Variants in ZBTB20 observed in about 807,000 individuals in gnomAD.
ZBTB20 encodes zinc finger and BTB domain containing 20, also known as zinc finger and BTB domain-containing protein 20.
A neutral mutation model predicts 56.9 loss-of-function variants in ZBTB20; 9 were observed. That is an observed-to-expected ratio of 0.16 (90% confidence interval 0.10 to 0.28). The LOEUF is 0.28. ZBTB20 is among the 10% of genes least tolerant of loss of function. The pLI is 1.00. For synonymous variants in ZBTB20, 417 were observed against 420.7 expected, an observed-to-expected ratio of 0.99 and a Z score of 0.11; for missense variants, 655 against 1,003.0, an observed-to-expected ratio of 0.65 and a Z score of 4.69.
At chr3:114,660,645 CATA>C (rs2060666658) in intron 6 of ZBTB20, among the ~76,000 whole-genome samples, 1 of 152,064 alleles carries the variant, frequency 6.6e-6, no homozygotes, top group Non-Finnish European at 1.5e-5. Context: ...AGTGACCTTC[CATA>C]ATATCGCTGG....
chr3:114,824,278 T>C (rs564723353), intron 4 of ZBTB20, among the ~76,000 whole-genome samples: 1 of 152,006 alleles, frequency 6.6e-6, no homozygotes, highest in African/African-American at 2.4e-5. Flanking sequence ...ATTTTGCATA[T>C]AGATCCCAAA....
chr3:114,950,383 T>C (rs1312121264), intron 3 of ZBTB20, among the ~76,000 whole-genome samples: 3 of 152,206 alleles, frequency 2.0e-5, no homozygotes, highest in East Asian at 1.9e-4. Flanking sequence ...ATACTGGTTA[T>C]ATGAATGTGG....
intron 4 of ZBTB20, among the ~76,000 whole-genome samples, chr3:114,811,969 T>C (rs1303348888): frequency 6.6e-6 from 1 of 152,200 alleles, no homozygotes; most frequent in African/African-American, 2.4e-5. Context: ...TTGTTCCTTC[T>C]GATGTTCGGA....
intron 1 of ZBTB20, among the ~76,000 whole-genome samples, chr3:115,142,468 G>A (rs918511084): frequency 2.6e-5 from 4 of 151,876 alleles, no homozygotes; most frequent in East Asian, 1.9e-4. Flanking sequence ...CAAGACCATC[G>A]TGGCCAACAT....
intron 6 of ZBTB20, among the ~76,000 whole-genome samples, chr3:114,566,312 G>A (rs779323517): frequency 6.6e-6 from 1 of 152,044 alleles, no homozygotes; most frequent in African/African-American, 2.4e-5. Flanking sequence ...CTCACAGTGC[G>A]GTAACCCCTG....
intron 11 of ZBTB20, among the ~76,000 whole-genome samples, chr3:114,346,670 T>G (rs1208347190): frequency 6.7e-6 from 1 of 149,614 alleles, no homozygotes; most frequent in East Asian, 1.9e-4. Flanking sequence ...GACTACTTCT[T>G]TGTCTCAAAC....
chr3:115,129,182 C>T (rs1350835677), intron 1 of ZBTB20, among the ~76,000 whole-genome samples: 4 of 151,920 alleles, frequency 2.6e-5, no homozygotes, highest in Admixed American at 2.0e-4. Context: ...GAAGATTAAA[C>T]TAGTTAAACA....
intron 1 of ZBTB20, among the ~76,000 whole-genome samples, chr3:115,093,798 G>T (rs2108582311): frequency 6.6e-6 from 1 of 152,272 alleles, no homozygotes; most frequent in South Asian, 2.1e-4. Flanking sequence ...AGAAATGTGA[G>T]ATGTTTTGAC....
At chr3:114,774,336 A>G (rs761815965) in intron 5 of ZBTB20, among the ~76,000 whole-genome samples, 3 of 152,172 alleles carry the variant, frequency 2.0e-5, no homozygotes, top group African/African-American at 4.8e-5. Flanking sequence ...TACTGAGCTA[A>G]AAATTACTAA....
At chr3:115,045,530 T>TA (rs1438792909) in intron 2 of ZBTB20, among the ~76,000 whole-genome samples, 1 of 151,874 alleles carries the variant, frequency 6.6e-6, no homozygotes, top group African/African-American at 2.4e-5. Flanking sequence ...CTGGTATTGT[T>TA]ATTGTCTGCA....
intron 5 of ZBTB20, among the ~76,000 whole-genome samples, chr3:114,721,989 T>C (rs2064952313): frequency 6.6e-6 from 1 of 152,206 alleles, no homozygotes; most frequent in South Asian, 2.1e-4. Flanking sequence ...GGAAAGCTCT[T>C]TGAAAATGAT....
chr3:114,593,483 TA>T (rs548829326), intron 6 of ZBTB20, among the ~76,000 whole-genome samples: 23 of 151,804 alleles, frequency 1.5e-4, no homozygotes, highest in Non-Finnish European at 3.1e-4. Context: ...CTCTGGGGTT[TA>T]AGCGATTCTC....
chr3:114,854,868 T>C (rs190395782), intron 4 of ZBTB20, among the ~76,000 whole-genome samples: 1 of 152,354 alleles, frequency 6.6e-6, no homozygotes, highest in Admixed American at 6.5e-5. Flanking sequence ...TCACTTTTTT[T>C]CTAAATGTCA....
chr3:114,950,637 T>G (rs557729146), intron 3 of ZBTB20, among the ~76,000 whole-genome samples: 1 of 152,222 alleles, frequency 6.6e-6, no homozygotes, highest in African/African-American at 2.4e-5. Context: ...AAGCTGAACA[T>G]AAGCACACCA....
chr3:114,522,849 C>A (rs1396567695), intron 6 of ZBTB20, among the ~76,000 whole-genome samples: 2 of 152,070 alleles, frequency 1.3e-5, no homozygotes, highest in Non-Finnish European at 2.9e-5. Context: ...TAAGGAATTC[C>A]ATTTCTGGTA....
intron 5 of ZBTB20, among the ~76,000 whole-genome samples, chr3:114,783,591 C>T (rs908154996): frequency 2.0e-5 from 3 of 151,774 alleles, no homozygotes; most frequent in African/African-American, 7.3e-5. Context: ...GTCACGAGAT[C>T]GAGACCAGCT....
chr3:115,147,114 G>GC (rs1228968053), intron 1 of ZBTB20, 105 bp downstream of exon 1: 24 of 47,040 alleles, frequency 5.1e-4, no homozygotes, highest in Admixed American at 2.4e-3. Context: ...CAGTCCCGCC[G>GC]CCCCCCACTC....
intron 2 of ZBTB20, among the ~76,000 whole-genome samples, chr3:115,052,971 A>C (rs2081609457): frequency 6.6e-6 from 1 of 152,178 alleles, no homozygotes; most frequent in Non-Finnish European, 1.5e-5. Flanking sequence ...CTGGTCATTC[A>C]GTTTTTTGTA....
At chr3:114,798,629 C>T (rs776993442) in intron 5 of ZBTB20, among the ~76,000 whole-genome samples, 2 of 151,930 alleles carry the variant, frequency 1.3e-5, no homozygotes, top group Non-Finnish European at 2.9e-5. Flanking sequence ...TTGTGCCCTA[C>T]CCTGTGCCTC....
Sources: allele counts gnomAD v4.1 joint callset (sites outside exome capture counted in the v4.1 genomes callset), GRCh38; gene constraint gnomAD v4.1.1; transcripts MANE v1.5; gene names NCBI Gene and HGNC (gene_info 2026-07-23, HGNC 2026-07-21).